Variants in SASH1 observed in about 807,000 individuals in gnomAD.
The protein encoded by SASH1 is SAM and SH3 domain containing 1.
SASH1 carries 44 observed loss-of-function variants against 125.2 expected under a neutral mutation model. That is an observed-to-expected ratio of 0.35 (90% CI 0.28 to 0.45). SASH1 has a LOEUF of 0.45. Among genes scored for constraint, SASH1 ranks in the 20% least tolerant of loss-of-function variants. The pLI, the probability that SASH1 is intolerant of heterozygous loss-of-function variation, is 1.00. For synonymous variants in SASH1, 639 were observed against 649.1 expected, an observed-to-expected ratio of 0.98 and a Z score of 0.24; for missense variants, 1,426 against 1,614.5, an observed-to-expected ratio of 0.88 and a Z score of 2.00.
chr6:148,297,382 T>G (rs1779792348), intron 1 of SASH1, among the ~76,000 whole-genome samples: 1 of 152,212 alleles, frequency 6.6e-6, no homozygotes, highest in South Asian at 2.1e-4. Flanking sequence ...TTTATTTGAT[T>G]GTGACAACAC....
At chr6:148,503,894 C>T (rs1618036) in intron 8 of SASH1, among the ~76,000 whole-genome samples, 29,215 of 151,958 alleles carry the variant, frequency 0.19, 3,046 homozygotes, top group African/African-American at 0.28. Flanking sequence ...TGGGATGATA[C>T]GTCATTTCTC....
chr6:148,259,355 G>C, the SASH1 span, among the ~76,000 whole-genome samples: 1 of 152,226 alleles, frequency 6.6e-6, no homozygotes, highest in Admixed American at 6.5e-5. Flanking sequence ...TTCCCAGTTT[G>C]TTCTACTGAA....
intron 2 of SASH1, among the ~76,000 whole-genome samples, chr6:148,438,893 G>C (rs1396553008): frequency 6.6e-6 from 1 of 152,124 alleles, no homozygotes; most frequent in African/African-American, 2.4e-5. Context: ...GCATGAAAGT[G>C]CATTCATTCC....
intron 1 of SASH1, among the ~76,000 whole-genome samples, chr6:148,289,367 T>A (rs2493924): frequency 6.6e-6 from 1 of 152,070 alleles, no homozygotes; most frequent in African/African-American, 2.4e-5. Flanking sequence ...TGGAAAGGCG[T>A]GAGCCTATCT....
At chr6:148,236,865 G>C in the SASH1 span, among the ~76,000 whole-genome samples, 3 of 152,174 alleles carry the variant, frequency 2.0e-5, no homozygotes, top group Admixed American at 6.5e-5. Context: ...CATGGGAGGT[G>C]TTTAGATCAC....
upstream of SASH1, among the ~76,000 whole-genome samples, chr6:148,270,385 T>TAA (rs1490916872): frequency 7.0e-6 from 1 of 143,050 alleles, no homozygotes; most frequent in African/African-American, 3.0e-5. Context: ...TTTTAAAATT[T>TAA]TTTTTTGTAT....
chr6:148,222,562 A>G, the SASH1 span, among the ~76,000 whole-genome samples: 2 of 152,316 alleles, frequency 1.3e-5, no homozygotes, highest in Admixed American at 1.3e-4. Flanking sequence ...ACTTCCAGAA[A>G]GATTTGCAAC....
intron 1 of SASH1, among the ~76,000 whole-genome samples, chr6:148,358,521 T>C (rs1782044350): frequency 1.3e-5 from 2 of 152,042 alleles, no homozygotes; most frequent in South Asian, 4.2e-4. Context: ...CAAAATAATT[T>C]TTATGGAGGC....
intron 9 of SASH1, among the ~76,000 whole-genome samples, chr6:148,515,591 G>C (rs1285463045): frequency 6.6e-6 from 1 of 152,120 alleles, no homozygotes; most frequent in African/African-American, 2.4e-5. Flanking sequence ...CAATTTCTTG[G>C]GTTGTTTTCA....
Position 148,406,051 on chromosome 6 carries a change from G to A in SASH1, c.285+15789G>A, listed in dbSNP as rs550893902. Among the ~76,000 whole-genome samples, 158 of 152,290 alleles carry A rather than the reference G, an allele frequency of 1.0e-3. No homozygotes were observed. The Middle Eastern group carries it at 0.017, about 16-fold the overall frequency. On this transcript the variant is annotated intron_variant, in intron 2 of 19. Transcript: ENST00000367467. ...ATGTGCCCTGTGCCTATGCCACACC[G>A]ATTTCAGAATGGGGCAGGGTAGGGC...
chr6:148,359,325 GT>G lies in SASH1; in HGVS notation c.156+16118del, dbSNP rs374218290. 4.0e-3 allele frequency among the ~76,000 whole-genome samples: 552 copies of G among 138,508 alleles called. 2 individuals carry two copies. The highest frequency in any genetic ancestry group is 0.012 in the African/African-American group (443 of 37,068). 90.9% of individuals were successfully genotyped at this position (138,508 alleles called of 152,430 possible). On this transcript the variant is annotated intron_variant, in intron 1 of 19. Coordinates refer to ENST00000367467, the MANE Select transcript of SASH1 (RefSeq NM_015278.5). Reference sequence around the variant, plus strand: ...AGGCATGAGCCATTGTGCTTGGCCGGTTTTTTTTTTTTTTTTAACAAATTGA... The same window carrying G: ...AGGCATGAGCCATTGTGCTTGGCCGGTTTTTTTTTTTTTTTAACAAATTGA...
intron 1 of SASH1, among the ~76,000 whole-genome samples, chr6:148,378,197 A>T (rs1193508249): frequency 6.6e-6 from 1 of 151,448 alleles, no homozygotes; most frequent in Non-Finnish European, 1.5e-5. Flanking sequence ...GATTACAGGC[A>T]TGCGCCACCA....
the SASH1 span, among the ~76,000 whole-genome samples, chr6:148,224,090 T>G: frequency 6.6e-6 from 1 of 152,318 alleles, no homozygotes; most frequent in Non-Finnish European, 1.5e-5. Flanking sequence ...GGCCAGGAGT[T>G]TGAGCCCAGC....
At chr6:148,524,121 A>ATTTTT (rs796565408) in intron 10 of SASH1, among the ~76,000 whole-genome samples, 14 of 128,588 alleles carry the variant, frequency 1.1e-4, no homozygotes, top group African/African-American at 3.1e-4. Flanking sequence ...ATATATATAT[A>ATTTTT]TTTTTTTTAA....
At chr6:148,322,912 T>TTTCTTCTTTCTTTCTCTC (rs1780681158) in intron 1 of SASH1, among the ~76,000 whole-genome samples, 2 of 118,516 alleles carry the variant, frequency 1.7e-5, no homozygotes, top group South Asian at 5.8e-4. Flanking sequence ...CTCTCTTTCT[T>TTTCTTCTTTCTTTCTCTC]TCTTTTTTCT....
Position 148,374,713 on chromosome 6 carries a change from G to T in SASH1, c.157-15421G>T, listed in dbSNP as rs927509942. Among the ~76,000 whole-genome samples the T allele has an allele frequency of 4.6e-5, 7 of 151,500 alleles. No homozygotes were observed. The East Asian group carries it at 5.9e-4, about 13-fold the overall frequency. ...TTTACAGCATTTTTTTTGGGGGGGG[G>T]GGAGATGGAGTCTCACTCTTGTCAC... On this transcript the variant is annotated intron_variant, in intron 1 of 19. Transcript: ENST00000367467.
At chr6:148,477,911 G>A (rs1435557460) in intron 7 of SASH1, among the ~76,000 whole-genome samples, 1 of 151,928 alleles carries the variant, frequency 6.6e-6, no homozygotes, top group Non-Finnish European at 1.5e-5. Flanking sequence ...TGGCCAGGCT[G>A]GTCTCGAACT....
Position 148,548,501 on chromosome 6 carries a change from A to G in SASH1, c.3687A>G (p.Arg1229=). 1 of 1,614,098 alleles carries G rather than the reference A, an allele frequency of 6.2e-7. No homozygotes were observed. Among genetic ancestry groups the G allele is most frequent in the Non-Finnish European group, 8.5e-7 (1 of 1,179,970 alleles). The change falls in exon 20 of 20, where the codon AGA becomes AGG. Residue 1229 remains arginine, a synonymous_variant. Coordinates refer to ENST00000367467, the MANE Select transcript of SASH1 (RefSeq NM_015278.5). ...EAGITEERHI[R]KLLSAARLFK... ...GCATCACAGAGGAGAGACACATAAG[A>G]AAGCTCCTATCTGCAGCCAGACTCT...
intron 11 of SASH1, among the ~76,000 whole-genome samples, chr6:148,526,818 T>C (rs944062890): frequency 1.3e-5 from 2 of 152,064 alleles, no homozygotes; most frequent in African/African-American, 4.8e-5. Context: ...ATTATCCCTC[T>C]ATTCTCCCCC....
Sources: allele counts gnomAD v4.1 joint callset (sites outside exome capture counted in the v4.1 genomes callset), GRCh38; gene constraint gnomAD v4.1.1; transcripts MANE v1.5; gene names NCBI Gene and HGNC (gene_info 2026-07-23, HGNC 2026-07-21).